The following STARD9 variants were observed in gnomAD, a reference collection of about 807,000 sequenced individuals.
STARD9 encodes StAR related lipid transfer domain containing 9.
STARD9 carries 346 observed loss-of-function variants against 399.8 expected under a neutral mutation model. That is an observed-to-expected ratio of 0.87 (90% CI 0.79 to 0.95). STARD9 has a LOEUF of 0.95. Among genes scored for constraint, STARD9 ranks in the 40% least tolerant of loss-of-function variants. STARD9 has a pLI of 0.00. For missense variants in STARD9, 5,832 were observed against 5,667.5 expected, an observed-to-expected ratio of 1.03 and a Z score of -0.93; for synonymous variants, 2,203 against 2,143.5, an observed-to-expected ratio of 1.03 and a Z score of -0.77.
Position 42,686,825 on chromosome 15 carries a change from GACC to G in STARD9, c.5249_5251del (p.Thr1750del). 1 of 1,537,080 alleles carries G rather than the reference GACC, an allele frequency of 6.5e-7. No homozygotes were observed. The highest frequency in any genetic ancestry group is 8.7e-7 in the Non-Finnish European group (1 of 1,146,908). On this transcript the variant is annotated inframe_deletion, in exon 23 of 33. Coordinates refer to ENST00000290607, the MANE Select transcript of STARD9 (RefSeq NM_020759.3). ...CCCCACTCTTGGAAACATTCTATGT[GACC>G]AAAAGCAGGGATGCCCTGACAGAAA...
intron 3 of STARD9, among the ~76,000 whole-genome samples, chr15:42,613,429 G>A (rs551238804): frequency 1.2e-4 from 19 of 152,254 alleles, no homozygotes; most frequent in African/African-American, 4.3e-4. Context: ...CTAGGTGAAA[G>A]ATGGTCAAGC....
intron 10 of STARD9, among the ~76,000 whole-genome samples, chr15:42,661,455 T>G (rs1258138480): frequency 6.6e-6 from 1 of 152,134 alleles, no homozygotes; most frequent in Non-Finnish European, 1.5e-5. Context: ...CTTTTCTTTT[T>G]TTGAGACAGT....
rs771053239 is a variant in STARD9 at position 42,675,687 on chromosome 15, G to A, written c.1711G>A (p.Ala571Thr). 6 of 1,537,022 alleles carry A rather than the reference G, an allele frequency of 3.9e-6. No individual in the cohort carries two copies. The highest frequency in any genetic ancestry group is 5.2e-6 in the Non-Finnish European group (6 of 1,146,838). ...AGGAGCTGTCATAACCCTGGGGAAG[G>A]CACAGAAGTTCCGATTCAACCACCC... ...TQGAVITLGK[A>T]QKFRFNHPAE... The change falls in exon 19 of 33, where the codon GCA becomes ACA. Residue 571 changes from alanine (A) to threonine (T), a missense_variant. Transcript: ENST00000290607.
intron 7 of STARD9, among the ~76,000 whole-genome samples, chr15:42,642,792 T>G (rs1307385213): frequency 6.6e-6 from 1 of 152,166 alleles, no homozygotes; most frequent in Non-Finnish European, 1.5e-5. Context: ...GGACCAGTTT[T>G]TTTTGTGGTG....
intron 26 of STARD9, among the ~76,000 whole-genome samples, chr15:42,701,992 CAAAAA>C (rs57444195): frequency 2.2e-5 from 1 of 44,978 alleles, no homozygotes; most frequent in Non-Finnish European, 5.1e-5. Flanking sequence ...GACTCTGACT[CAAAAA>C]AAAAAAAAAA....
At chr15:42,675,005 T>C in intron 18 of STARD9, 41 bp downstream of exon 18, 1 of 1,474,066 alleles carries the variant, frequency 6.8e-7, no homozygotes, top group Non-Finnish European at 9.0e-7. Context: ...AGATGAGTGA[T>C]GGACCAGCTC....
chr15:42,598,912 T>A (rs1374270117), intron 3 of STARD9, among the ~76,000 whole-genome samples: 2 of 152,136 alleles, frequency 1.3e-5, no homozygotes, highest in African/African-American at 4.8e-5. Flanking sequence ...GGTCTCTGTT[T>A]TTTTTGTTGT....
chr15:42,659,340 T>C (rs2059946252), intron 9 of STARD9, among the ~76,000 whole-genome samples: 1 of 152,176 alleles, frequency 6.6e-6, no homozygotes. Context: ...TCAACATCCT[T>C]GTTCATTAGG....
chr15:42,622,414 C>G (rs1054884425), intron 3 of STARD9, among the ~76,000 whole-genome samples: 2 of 152,120 alleles, frequency 1.3e-5, no homozygotes, highest in African/African-American at 4.8e-5. Context: ...GTTGCTTACC[C>G]TGGAGCGCAG....
At chr15:42,679,425 A>C (rs1334320365) in intron 20 of STARD9, among the ~76,000 whole-genome samples, 3 of 152,150 alleles carry the variant, frequency 2.0e-5, no homozygotes, top group East Asian at 3.9e-4. Context: ...CAGTCTTTTG[A>C]GCACACTCAC....
intron 17 of STARD9, 93 bp downstream of exon 17, chr15:42,674,584 G>A (rs2060271280): frequency 7.7e-7 from 1 of 1,302,084 alleles, no homozygotes; most frequent in South Asian, 1.3e-5. Context: ...CTGAGAAGAA[G>A]GGAATCATTG....
At chr15:42,682,043 C>A in intron 21 of STARD9, 61 bp from the exon 22 acceptor site, 1 of 1,159,046 alleles carries the variant, frequency 8.6e-7, no homozygotes, top group Non-Finnish European at 1.2e-6. Context: ...TATCTGAGTC[C>A]AGGCAGCCAC....
chr15:42,684,306 T>G lies in STARD9; in HGVS notation c.2728T>G (p.Leu910Val), dbSNP rs2060498102. ...GCAGCCCTGCACAGCCAGAGCAGCC[T>G]TGGCCAGGAAGGGAGCCTCAGCTCC... The part of the protein sequence containing the change: ...HGQPCTARAA[L>V]ARKGASAPDA... Residue 910 changes from leucine (L) to valine (V), a missense_variant, in exon 23 of 33, where the codon TTG becomes GTG. By Grantham distance (32) the Leu-to-Val change is conservative. This residue lies in a region of STARD9 where 5,828 missense variants were observed against 5,651.1 expected (regional missense o/e 1.03). Coordinates refer to ENST00000290607, the MANE Select transcript of STARD9 (RefSeq NM_020759.3). 1 of 1,536,958 alleles carries G rather than the reference T, an allele frequency of 6.5e-7. No individual in the cohort carries two copies. The highest frequency in any genetic ancestry group is 2.4e-5 in the East Asian group (1 of 40,918).
At chr15:42,701,069 A>C (rs1260888292) in intron 26 of STARD9, among the ~76,000 whole-genome samples, 1 of 152,028 alleles carries the variant, frequency 6.6e-6, no homozygotes, top group Non-Finnish European at 1.5e-5. Context: ...GTTGGCTATG[A>C]ATGTGTGGAT....
At chr15:42,715,012 A>C (rs989595397) in intron 26 of STARD9, among the ~76,000 whole-genome samples, 2 of 152,128 alleles carry the variant, frequency 1.3e-5, no homozygotes. Context: ...TGGAGTGAGA[A>C]AATAGGGCCT....
chr15:42,593,737 C>T (rs550580422), intron 3 of STARD9, among the ~76,000 whole-genome samples: 1 of 134,892 alleles, frequency 7.4e-6, no homozygotes, highest in South Asian at 2.5e-4. Context: ...AATCTCGGCT[C>T]ACTGCAAGCT....
intron 17 of STARD9, 29 bp from the exon 18 acceptor site, chr15:42,674,798 C>A (rs1316190290): frequency 6.7e-7 from 1 of 1,500,222 alleles, no homozygotes; most frequent in Non-Finnish European, 8.9e-7. Flanking sequence ...ATCGTCCTCC[C>A]ACCCAAGTGA....
At chr15:42,630,914 A>T (rs779845336) in intron 3 of STARD9, among the ~76,000 whole-genome samples, 1 of 145,740 alleles carries the variant, frequency 6.9e-6, no homozygotes, top group Non-Finnish European at 1.5e-5. Flanking sequence ...TTTCAATTTC[A>T]TTTATTTCTG....
intron 3 of STARD9, among the ~76,000 whole-genome samples, chr15:42,606,716 C>T (rs538593137): frequency 3.9e-5 from 6 of 152,058 alleles, no homozygotes; most frequent in Admixed American, 2.0e-4. Flanking sequence ...CCCACCTCAG[C>T]CTCCCAAAGT....
Sources: gnomAD v4.1 joint callset for allele counts (sites outside exome capture counted in the v4.1 genomes callset) on GRCh38, gnomAD v4.1.1 for gene constraint, gnomAD v4.1.1 regional missense constraint, MANE v1.5 for transcripts, NCBI Gene and HGNC (gene_info 2026-07-23, HGNC 2026-07-21) for gene names.